DMXL1: variants seen among roughly 807,000 people sequenced by gnomAD.
The protein encoded by DMXL1 is dmX-like protein 1.
Under a neutral mutation model 319.2 loss-of-function variants are expected in DMXL1, and 99 were observed. The observed-to-expected ratio is 0.31, with a 90% CI of 0.26 to 0.37. The LOEUF (loss-of-function observed/expected upper bound fraction) is 0.37. Ranked by LOEUF, DMXL1 falls within the 10% of genes least tolerant of loss-of-function variation. The probability of loss-of-function intolerance (pLI) is 1.00; values close to 1 mark genes in which losing one functional copy is unlikely to be tolerated. For synonymous variants in DMXL1, 1,385 were observed against 1,235.2 expected, an observed-to-expected ratio of 1.12 and a Z score of -2.54; for missense variants, 3,745 against 3,595.6, an observed-to-expected ratio of 1.04 and a Z score of -1.06.
In DMXL1 at chr5:119,181,848, A is replaced by AGGAAAGAAGCGAAGAGAAAG. The variant is rs1351637602; in HGVS notation, c.7135+3619_7135+3638dup. On this transcript the variant is annotated intron_variant, in intron 28 of 43. Transcript: ENST00000539542. ...GAAAAGGAGCAGGCAGAAAGAGGAA[A>AGGAAAGAAGCGAAGAGAAAG]GGAAAGAAGCGAAGAGAAAGGGAAA... Among the ~76,000 whole-genome samples, 32 of 152,214 alleles carry AGGAAAGAAGCGAAGAGAAAG rather than the reference A, an allele frequency of 2.1e-4. 2 individuals carry two copies. Among genetic ancestry groups the AGGAAAGAAGCGAAGAGAAAG allele is most frequent in the African/African-American group, 7.5e-4 (31 of 41,556 alleles).
intron 34 of DMXL1, among the ~76,000 whole-genome samples, chr5:119,209,569 A>C (rs899834573): frequency 1.3e-5 from 2 of 152,008 alleles, no homozygotes; most frequent in Non-Finnish European, 2.9e-5. Context: ...GCTGGTCTCA[A>C]ACTTCTGGGC....
chr5:119,113,278 T>C (rs1490704195), intron 5 of DMXL1, among the ~76,000 whole-genome samples: 1 of 152,208 alleles, frequency 6.6e-6, no homozygotes, highest in Non-Finnish European at 1.5e-5. Context: ...AGTCTTGCTC[T>C]GTCACCCAGG....
chr5:119,082,224 A>T (rs1752410764), intron 1 of DMXL1, among the ~76,000 whole-genome samples: 1 of 151,914 alleles, frequency 6.6e-6, no homozygotes. Context: ...CAGTCATGCT[A>T]CCTCAGCCTC....
At chr5:119,109,687 C>T (rs185161800) in intron 4 of DMXL1, among the ~76,000 whole-genome samples, 4 of 152,196 alleles carry the variant, frequency 2.6e-5, no homozygotes, top group South Asian at 2.1e-4. Context: ...TCTGCTTATT[C>T]ATCCATTAAG....
chr5:119,077,944 A>G (rs2149677072), intron 1 of DMXL1, among the ~76,000 whole-genome samples: 1 of 150,918 alleles, frequency 6.6e-6, no homozygotes, highest in East Asian at 2.0e-4. Context: ...CATGTAACCC[A>G]GGCTGTTTTC....
rs1775586014 is a variant in DMXL1, at chr5:119,175,286, C to T, written c.6707C>T (p.Ala2236Val). Residue 2236 changes from alanine to valine, a missense_variant, in exon 26 of 44, where the codon GCT becomes GTT. Transcript: ENST00000539542. ...NKVYVMHTLA[A>V]SLSACIYQCL... ...GTGTATGTAATGCATACTTTAGCAG[C>T]TTCACTTTCTGCTTGTATTTATCAG... 6.2e-7 allele frequency: 1 copy of T among 1,611,338 alleles called. No individual in the cohort carries two copies. The highest frequency in any genetic ancestry group is 1.3e-5 in the African/African-American group (1 of 74,826).
At chr5:119,161,480 G>A (rs774697202) in intron 19 of DMXL1, among the ~76,000 whole-genome samples, 3 of 152,240 alleles carry the variant, frequency 2.0e-5, no homozygotes, top group Admixed American at 1.3e-4. Flanking sequence ...ATAGAAATGC[G>A]TGTTTGAAGC....
intron 3 of DMXL1, 29 bp downstream of exon 3, chr5:119,102,035 G>A (rs78833402): frequency 0.014 from 19,878 of 1,398,928 alleles, 169 homozygotes; most frequent in Middle Eastern, 0.017. Context: ...CTTCTTTTAG[G>A]AATTGAAATG....
At chr5:119,214,166 T>C (rs1218004762) in intron 34 of DMXL1, among the ~76,000 whole-genome samples, 1 of 152,178 alleles carries the variant, frequency 6.6e-6, no homozygotes, top group Non-Finnish European at 1.5e-5. Context: ...CCCTACTGTT[T>C]CCTTCACTTC....
intron 35 of DMXL1, among the ~76,000 whole-genome samples, chr5:119,217,872 G>A (rs1159130546): frequency 1.3e-5 from 2 of 151,886 alleles, no homozygotes; most frequent in African/African-American, 4.8e-5. Context: ...GAATTCTTCT[G>A]GACAGTATCT....
intron 7 of DMXL1, among the ~76,000 whole-genome samples, chr5:119,116,748 A>G (rs978013919): frequency 6.6e-6 from 1 of 152,172 alleles, no homozygotes; most frequent in Non-Finnish European, 1.5e-5. Context: ...AGCTTTATTA[A>G]GAGGATATAT....
chr5:119,129,215 T>C lies in DMXL1; in HGVS notation c.1107T>C (p.Ile369=). The C allele has an allele frequency of 6.2e-7, 1 of 1,600,700 alleles. No individual in the cohort carries two copies. Among genetic ancestry groups the C allele is most frequent in the Non-Finnish European group, 8.5e-7 (1 of 1,172,646 alleles). The change falls in exon 10 of 44, where the codon ATT becomes ATC. Residue 369 remains isoleucine (I), a synonymous_variant. Transcript: ENST00000539542. ...TATCTTTTTTTTCTCTTATAGACAT[T>C]CCACTTCTTCCATCTATTACATCTC... ...IAASINPATD[I]PLLPSITSLS...
At chr5:119,243,164 A>G (rs1789139383) in intron 42 of DMXL1, among the ~76,000 whole-genome samples, 1 of 152,226 alleles carries the variant, frequency 6.6e-6, no homozygotes, top group Admixed American at 6.5e-5. Flanking sequence ...TCATCAAGGT[A>G]TATACTTAAA....
At chr5:119,118,779 T>C (rs748319783) in intron 7 of DMXL1, 36 bp from the exon 8 acceptor site, 1 of 1,508,342 alleles carries the variant, frequency 6.6e-7, no homozygotes, top group Non-Finnish European at 9.0e-7. Flanking sequence ...TATGTGAAAT[T>C]TGTATTTTTG....
intron 19 of DMXL1, among the ~76,000 whole-genome samples, chr5:119,161,748 G>C (rs1772322941): frequency 6.6e-6 from 1 of 152,174 alleles, no homozygotes; most frequent in Non-Finnish European, 1.5e-5. Context: ...GGGGCTTTGG[G>C]GTGGGCTCTG....
chr5:119,222,932 A>G (rs1784888499), intron 37 of DMXL1, among the ~76,000 whole-genome samples: 1 of 150,450 alleles, frequency 6.6e-6, no homozygotes, highest in African/African-American at 2.4e-5. Flanking sequence ...ATCCCCCCAC[A>G]TTTCCCTGGC....
chr5:119,196,699 G>A (rs1779705256), intron 31 of DMXL1, among the ~76,000 whole-genome samples: 1 of 152,040 alleles, frequency 6.6e-6, no homozygotes, highest in Admixed American at 6.6e-5. Flanking sequence ...ACTGTCTTGA[G>A]ACTCTATTTA....
At chr5:119,145,813 A>G (rs974506646) in intron 15 of DMXL1, among the ~76,000 whole-genome samples, 2 of 151,720 alleles carry the variant, frequency 1.3e-5, no homozygotes. Flanking sequence ...TTTCCTAGAA[A>G]ATACCTAAGG....
At chr5:119,132,984 T>A in intron 10 of DMXL1, 148 bp from the exon 11 acceptor site, 4 of 678,022 alleles carry the variant, frequency 5.9e-6, no homozygotes, top group Non-Finnish European at 4.9e-6. Context: ...ATGTGTAGGG[T>A]GAGGTGTGGC....
Sources: gnomAD v4.1 joint callset for allele counts (sites outside exome capture counted in the v4.1 genomes callset) on GRCh38, gnomAD v4.1.1 for gene constraint, MANE v1.5 for transcripts, NCBI Gene and HGNC (gene_info 2026-07-23, HGNC 2026-07-21) for gene names.